Variants in GABRB3 observed in about 807,000 individuals in gnomAD.
The protein encoded by GABRB3 is gamma-aminobutyric acid receptor subunit beta-3.
In GABRB3, 14 loss-of-function variants were observed where a neutral mutation model predicts 52.1. The observed-to-expected ratio is 0.27, with a 90% CI of 0.18 to 0.42. The LOEUF is 0.42. GABRB3 is among the 10% of genes least tolerant of loss of function. The pLI is 1.00. For synonymous variants in GABRB3, 260 were observed against 232.3 expected (o/e 1.12, Z -1.08); for missense variants, 307 against 609.1 (o/e 0.50, Z 5.22).
intron 3 of GABRB3, among the ~76,000 whole-genome samples, chr15:26,680,730 T>C (rs1335946277): frequency 6.6e-6 from 1 of 152,172 alleles, no homozygotes; most frequent in Non-Finnish European, 1.5e-5. Flanking sequence ...ATATGAGAAA[T>C]ATCCAATAAG....
rs547772555 is a variant in GABRB3, at chr15:26,758,156, G to A, written c.240+14246C>T. ...CTTTTGTGATAATACACAGAAAATA[G>A]TTTAGTAATATGTAAGTCTGATATG... On this transcript the variant is annotated intron_variant, in intron 3 of 8. Coordinates refer to ENST00000311550, the MANE Select transcript of GABRB3 (RefSeq NM_000814.6). Among the ~76,000 whole-genome samples the A allele has an allele frequency of 4.6e-5, 7 of 151,786 alleles. No individual in the cohort carries two copies. In the South Asian group the frequency reaches 1.3e-3, roughly 27 times the overall value.
intron 3 of GABRB3, among the ~76,000 whole-genome samples, chr15:26,764,139 G>A (rs1164409253): frequency 9.3e-6 from 1 of 107,002 alleles, no homozygotes. Flanking sequence ...AACAGTGAGA[G>A]ACTCGGTCTC....
At position 26,624,279 on chromosome 15, in the gene GABRB3, T is replaced by C. The variant is rs1467611033; in HGVS notation, c.241-2745A>G. The C allele has an allele frequency of 3.0e-6, 3 of 985,646 alleles. No individual in the cohort carries two copies. The African/African-American group carries it at 5.2e-5, about 17-fold the overall frequency. The allele number at this position is 985,646 out of a possible 1,614,324, so 61.1% of individuals were successfully genotyped here. A position where few individuals can be genotyped will look rare whatever the true frequency, so the allele number is the denominator to read the frequency against. On this transcript the variant is annotated intron_variant, in intron 3 of 8. Coordinates refer to ENST00000311550, the MANE Select transcript of GABRB3 (RefSeq NM_000814.6). Reference sequence around the variant, plus strand: ...GTGGTTTCACAACAAAAGGAGGATGTGTTAGTGGTGGCGACCACAGAGTTT... The same window carrying C: ...GTGGTTTCACAACAAAAGGAGGATGCGTTAGTGGTGGCGACCACAGAGTTT...
intron 3 of GABRB3, among the ~76,000 whole-genome samples, chr15:26,712,458 T>TGGGC (rs1889329409): frequency 6.6e-6 from 1 of 151,186 alleles, no homozygotes; most frequent in African/African-American, 2.4e-5. Flanking sequence ...AAAGCAGGGG[T>TGGGC]GGGCAGGAGT....
chr15:26,569,004 G>A (rs949209782), intron 6 of GABRB3, among the ~76,000 whole-genome samples: 35 of 152,056 alleles, frequency 2.3e-4, no homozygotes, highest in Non-Finnish European at 2.5e-4. Context: ...ACACTAGCAG[G>A]TGCCTTCTTT....
At chr15:26,617,046 C>T (rs1892282335) in intron 4 of GABRB3, among the ~76,000 whole-genome samples, 1 of 152,126 alleles carries the variant, frequency 6.6e-6, no homozygotes, top group Non-Finnish European at 1.5e-5. Context: ...AGTTGAATCT[C>T]TGAATAGACC....
intron 3 of GABRB3, among the ~76,000 whole-genome samples, chr15:26,680,247 G>A (rs1017592013): frequency 6.6e-6 from 1 of 152,200 alleles, no homozygotes; most frequent in Non-Finnish European, 1.5e-5. Flanking sequence ...GCAGATTTCA[G>A]AATTGCCAGG....
intron 4 of GABRB3, among the ~76,000 whole-genome samples, chr15:26,608,124 T>G (rs1005846922): frequency 2.8e-5 from 4 of 142,880 alleles, no homozygotes; most frequent in African/African-American, 7.7e-5. Context: ...AAAAGGCACA[T>G]CCGCCAATGA....
chr15:26,745,618 C>T (rs1353310137), intron 3 of GABRB3, among the ~76,000 whole-genome samples: 2 of 152,174 alleles, frequency 1.3e-5, no homozygotes, highest in Non-Finnish European at 2.9e-5. Flanking sequence ...CCTTCTTTAC[C>T]CACACCCCTC....
chr15:26,620,950 A>C (rs1331661658), intron 4 of GABRB3, among the ~76,000 whole-genome samples: 1 of 152,110 alleles, frequency 6.6e-6, no homozygotes, highest in Non-Finnish European at 1.5e-5. Context: ...AACTGTGCAG[A>C]CAGCTTTGAA....
intron 4 of GABRB3, among the ~76,000 whole-genome samples, chr15:26,618,095 G>C (rs1473739114): frequency 1.3e-5 from 2 of 152,082 alleles, no homozygotes; most frequent in South Asian, 2.1e-4. Flanking sequence ...ACTGCCCAAG[G>C]TAATTTATAG....
At chr15:26,600,992 G>T (rs563965137) in intron 4 of GABRB3, among the ~76,000 whole-genome samples, 1 of 152,242 alleles carries the variant, frequency 6.6e-6, no homozygotes, top group South Asian at 2.1e-4. Flanking sequence ...GTGTGGGGGG[G>T]AGTAAAAGTG....
chr15:26,768,322 G>A (rs1406498990), intron 3 of GABRB3, among the ~76,000 whole-genome samples: 1 of 152,116 alleles, frequency 6.6e-6, no homozygotes, highest in Non-Finnish European at 1.5e-5. Flanking sequence ...ACTAGAGTCT[G>A]AATCTAGTTT....
chr15:26,715,203 T>C (rs1254778570), intron 3 of GABRB3, among the ~76,000 whole-genome samples: 6 of 152,122 alleles, frequency 3.9e-5, no homozygotes, highest in Admixed American at 3.9e-4. Context: ...CATCCCAGCC[T>C]TGGAACGAGG....
At chr15:26,609,300 G>T (rs910453358) in intron 4 of GABRB3, among the ~76,000 whole-genome samples, 2 of 152,034 alleles carry the variant, frequency 1.3e-5, no homozygotes, top group African/African-American at 4.8e-5. Flanking sequence ...TATAAGCAGA[G>T]AACAGAACAG....
intron 4 of GABRB3, among the ~76,000 whole-genome samples, chr15:26,592,829 A>G (rs1214864006): frequency 2.6e-5 from 4 of 152,146 alleles, no homozygotes; most frequent in African/African-American, 9.7e-5. Flanking sequence ...CCTGGCTAAC[A>G]TGGTGAAACC....
chr15:26,625,827 G>A (rs1397095320), intron 3 of GABRB3, among the ~76,000 whole-genome samples: 1 of 152,138 alleles, frequency 6.6e-6, no homozygotes, highest in Non-Finnish European at 1.5e-5. Flanking sequence ...GACACCAAAT[G>A]AGACAGACTG....
At chr15:26,677,830 A>G (rs1213358084) in intron 3 of GABRB3, among the ~76,000 whole-genome samples, 1 of 152,192 alleles carries the variant, frequency 6.6e-6, no homozygotes, top group Non-Finnish European at 1.5e-5. Flanking sequence ...AAGAATTTGT[A>G]AATCAGGGAA....
chr15:26,622,031 T>A lies in GABRB3; in HGVS notation c.241-497A>T, dbSNP rs1490056317. 2.6e-5 allele frequency among the ~76,000 whole-genome samples: 4 copies of A among 152,156 alleles called. No individual in the cohort carries two copies. In the East Asian group the frequency reaches 7.7e-4, roughly 29 times the overall value. ...ATACAAACCTTCCATAAACATCCTCTGGAGACACAAGGGACTGTGGGAGGT... is the reference window on the plus strand; with the variant it reads ...ATACAAACCTTCCATAAACATCCTCAGGAGACACAAGGGACTGTGGGAGGT... On this transcript the variant is annotated intron_variant, in intron 3 of 8. Transcript: ENST00000311550.
Sources: allele counts gnomAD v4.1 joint callset (sites outside exome capture counted in the v4.1 genomes callset), GRCh38; gene constraint gnomAD v4.1.1; transcripts MANE v1.5; gene names NCBI Gene and HGNC (gene_info 2026-07-23, HGNC 2026-07-21).